Variants in KCND3 observed in about 807,000 individuals in gnomAD.
KCND3 encodes the protein A-type voltage-gated potassium channel KCND3.
A neutral mutation model predicts 51.1 loss-of-function variants in KCND3; 9 were observed. That is an observed-to-expected ratio of 0.18 (90% CI 0.11 to 0.31). The LOEUF (loss-of-function observed/expected upper bound fraction) is 0.31. Ranked by LOEUF, KCND3 falls within the 10% of genes least tolerant of loss-of-function variation. The pLI, the probability that KCND3 is intolerant of heterozygous loss-of-function variation, is 1.00. For synonymous variants in KCND3, 349 were observed against 368.0 expected, an observed-to-expected ratio of 0.95 and a Z score of 0.59; for missense variants, 526 against 903.8, an observed-to-expected ratio of 0.58 and a Z score of 5.36.
chr1:111,974,252 T>C (rs1273770132), intron 2 of KCND3, among the ~76,000 whole-genome samples: 3 of 152,164 alleles, frequency 2.0e-5, no homozygotes, highest in Admixed American at 6.5e-5. Flanking sequence ...GCAAAAAACT[T>C]TGGATACCCA....
intron 2 of KCND3, among the ~76,000 whole-genome samples, chr1:111,826,460 C>T (rs1045579232): frequency 7.9e-5 from 12 of 152,286 alleles, no homozygotes; most frequent in African/African-American, 2.6e-4. Context: ...GTCTAGGACA[C>T]GTGTCTGCTC....
chr1:111,837,448 G>A (rs1273652766), intron 2 of KCND3, among the ~76,000 whole-genome samples: 1 of 152,170 alleles, frequency 6.6e-6, no homozygotes, highest in African/African-American at 2.4e-5. Context: ...GGCTCTATGA[G>A]GTAGCTATCA....
At chr1:111,871,572 A>G (rs1019132894) in intron 2 of KCND3, among the ~76,000 whole-genome samples, 3 of 152,342 alleles carry the variant, frequency 2.0e-5, no homozygotes, top group Non-Finnish European at 1.5e-5. Context: ...AATGGATTGT[A>G]AGGAATGAAG....
At chr1:111,926,372 T>C (rs1200577832) in intron 2 of KCND3, among the ~76,000 whole-genome samples, 1 of 152,212 alleles carries the variant, frequency 6.6e-6, no homozygotes, top group Non-Finnish European at 1.5e-5. Flanking sequence ...TTGAACTCCA[T>C]AGCCAACCTC....
chr1:111,933,424 G>A (rs917798936), intron 2 of KCND3, among the ~76,000 whole-genome samples: 2 of 152,206 alleles, frequency 1.3e-5, no homozygotes, highest in Non-Finnish European at 2.9e-5. Flanking sequence ...TATAAAGGAG[G>A]TCAGGGGCAG....
intron 2 of KCND3, among the ~76,000 whole-genome samples, chr1:111,947,018 T>G (rs1672809336): frequency 6.6e-6 from 1 of 152,194 alleles, no homozygotes; most frequent in East Asian, 1.9e-4. Context: ...TAAGGTGAAG[T>G]GAGTCTCTTG....
rs558410312 is a variant in KCND3, at chr1:111,795,310, C to T, written c.1107-8204G>A. On this transcript the variant is annotated intron_variant, in intron 2 of 7. Coordinates refer to ENST00000302127, the MANE Select transcript of KCND3 (RefSeq NM_001378969.1). ...AAAAGATAGGATGGCTTTTAGGAAT[C>T]TTGAAGTTCCTCTGAAGACACCACC... Among the ~76,000 whole-genome samples, 11 of 152,332 alleles carry T rather than the reference C, an allele frequency of 7.2e-5. 1 individual carries two copies. The South Asian group carries it at 2.3e-3, about 32-fold the overall frequency.
chr1:111,815,751 T>C (rs1375298026), intron 2 of KCND3, among the ~76,000 whole-genome samples: 1 of 151,998 alleles, frequency 6.6e-6, no homozygotes, highest in African/African-American at 2.4e-5. Flanking sequence ...ATAACATATA[T>C]TTTTACTGCT....
At chr1:111,807,225 AT>A (rs1171930766) in intron 2 of KCND3, among the ~76,000 whole-genome samples, 1 of 152,248 alleles carries the variant, frequency 6.6e-6, no homozygotes, top group East Asian at 1.9e-4. Flanking sequence ...ATAGTCATGC[AT>A]GTCATAATGA....
At chr1:111,972,872 T>G (rs1239551121) in intron 2 of KCND3, among the ~76,000 whole-genome samples, 1 of 152,274 alleles carries the variant, frequency 6.6e-6, no homozygotes, top group African/African-American at 2.4e-5. Context: ...AGATTTGTGC[T>G]GTCCATGGTT....
intron 2 of KCND3, among the ~76,000 whole-genome samples, chr1:111,925,993 T>G (rs777626241): frequency 2.0e-5 from 3 of 152,216 alleles, no homozygotes; most frequent in Non-Finnish European, 4.4e-5. Context: ...CATTTCCATT[T>G]ATATGCCTAG....
intron 2 of KCND3, among the ~76,000 whole-genome samples, chr1:111,867,444 AG>A (rs1267265377): frequency 6.6e-6 from 1 of 152,232 alleles, no homozygotes; most frequent in Non-Finnish European, 1.5e-5. Context: ...CTGAATATGC[AG>A]AGCACCCCAA....
chr1:111,806,002 G>A (rs1431623140), intron 2 of KCND3, among the ~76,000 whole-genome samples: 3 of 152,282 alleles, frequency 2.0e-5, no homozygotes, highest in East Asian at 1.9e-4. Flanking sequence ...GGCCAAATCC[G>A]AAATCCTGTC....
At chr1:111,930,305 T>C (rs1671905167) in intron 2 of KCND3, among the ~76,000 whole-genome samples, 1 of 152,190 alleles carries the variant, frequency 6.6e-6, no homozygotes, top group Non-Finnish European at 1.5e-5. Flanking sequence ...GGGTCTCATA[T>C]ACTGCACAGA....
At chr1:111,810,978 G>C (rs905871223) in intron 2 of KCND3, among the ~76,000 whole-genome samples, 7 of 152,180 alleles carry the variant, frequency 4.6e-5, no homozygotes, top group Non-Finnish European at 7.3e-5. Flanking sequence ...GCCTCTGCCT[G>C]TCACCCCTCC....
chr1:111,934,204 G>A (rs1295726042), intron 2 of KCND3, among the ~76,000 whole-genome samples: 2 of 152,100 alleles, frequency 1.3e-5, no homozygotes, highest in Non-Finnish European at 2.9e-5. Flanking sequence ...TGGGGTGGAG[G>A]CTTCAGCTGA....
intron 7 of KCND3, 51 bp downstream of exon 7, chr1:111,776,975 G>A (rs1372394012): frequency 1.2e-6 from 2 of 1,611,512 alleles, no homozygotes; most frequent in Non-Finnish European, 1.7e-6. Context: ...GTCTAATTCT[G>A]TGAATGGGAT....
intron 2 of KCND3, among the ~76,000 whole-genome samples, chr1:111,884,159 C>A (rs945138125): frequency 1.3e-5 from 2 of 152,134 alleles, no homozygotes; most frequent in Non-Finnish European, 2.9e-5. Context: ...GAGGACTGGT[C>A]GGCCACTATA....
intron 2 of KCND3, among the ~76,000 whole-genome samples, chr1:111,861,717 G>A (rs1668347298): frequency 6.6e-6 from 1 of 152,190 alleles, no homozygotes; most frequent in Non-Finnish European, 1.5e-5. Context: ...GGCTCTGCAG[G>A]GAAGAGGGGC....
Sources: gnomAD v4.1 joint callset for allele counts (sites outside exome capture counted in the v4.1 genomes callset) on GRCh38, gnomAD v4.1.1 for gene constraint, MANE v1.5 for transcripts, NCBI Gene and HGNC (gene_info 2026-07-23, HGNC 2026-07-21) for gene names.